Variants in TAF5 observed in about 807,000 individuals in gnomAD.
The protein encoded by TAF5 is transcription initiation factor TFIID subunit 5.
A neutral mutation model predicts 80.9 loss-of-function variants in TAF5; 20 were observed. That is an observed-to-expected ratio of 0.25 (90% CI 0.17 to 0.36). The LOEUF (loss-of-function observed/expected upper bound fraction) is 0.36. TAF5 is among the 10% of genes least tolerant of loss of function. The pLI is 1.00. For missense variants in TAF5, 863 were observed against 1,029.4 expected, an observed-to-expected ratio of 0.84 and a Z score of 2.21; for synonymous variants, 388 against 406.4, an observed-to-expected ratio of 0.95 and a Z score of 0.55.
chr10:103,370,285 T>G (rs1206104901), intron 1 of TAF5, among the ~76,000 whole-genome samples: 1 of 151,010 alleles, frequency 6.6e-6, no homozygotes, highest in Non-Finnish European at 1.5e-5. Flanking sequence ...GTCATTCTCA[T>G]GTTGAATTTT....
chr10:103,381,691 T>C, intron 5 of TAF5, 30 bp from the exon 6 acceptor site: 1 of 1,612,462 alleles, frequency 6.2e-7, no homozygotes. Context: ...CCTAAAATAG[T>C]ATTGTTTAGT....
chr10:103,379,985 C>T lies in TAF5; in HGVS notation c.1379C>T (p.Ser460Phe), dbSNP rs752613639. 7 of 1,613,732 alleles carry T rather than the reference C, an allele frequency of 4.3e-6. No individual in the cohort carries two copies. The highest frequency in any genetic ancestry group is 5.1e-6 in the Non-Finnish European group (6 of 1,179,908). ...RVRLGPDCLP[S>F]ICFYTFLNAY... ...CGCCTTGGGCCGGACTGCTTACCCT[C>T]CATTTGTTTCTATACATTTCTCAAT... The change falls in exon 5 of 11, where the codon TCC (serine) becomes TTC (phenylalanine). Residue 460 changes from serine to phenylalanine, a missense_variant. Physicochemically the swap from Ser to Phe is radical, Grantham distance 155. This residue lies in a region of TAF5 where 368 missense variants were observed against 461.7 expected (regional missense o/e 0.80). Transcript: ENST00000369839.
chr10:103,388,436 G>C lies in TAF5; in HGVS notation c.*213G>C, dbSNP rs2093403149. ...CCGTTAGTTGAATAAGAGGTATTAT[G>C]ATCATGGAGGGGACATTTATGGTGC... On this transcript the variant is annotated 3_prime_UTR_variant, in exon 11 of 11. Coordinates refer to ENST00000369839, the MANE Select transcript of TAF5 (RefSeq NM_006951.5). 1 of 466,190 alleles carries C rather than the reference G, an allele frequency of 2.1e-6. No homozygotes were observed. Among genetic ancestry groups the C allele is most frequent in the East Asian group, 3.5e-5 (1 of 28,782 alleles). The allele number at this position is 466,190 out of a possible 1,614,324, so 28.9% of individuals were successfully genotyped here. A position where few individuals can be genotyped will look rare whatever the true frequency, so the allele number is the denominator to read the frequency against.
rs976348646 is a variant in TAF5, at chr10:103,368,447, C to T, written c.458C>T (p.Ala153Val). 3.8e-6 allele frequency: 6 copies of T among 1,582,148 alleles called. No homozygotes were observed. The highest frequency in any genetic ancestry group is 5.1e-6 in the Non-Finnish European group (6 of 1,173,758). ...VTSALLSRVT[A>V]SAPGPAAPDP... is the part of the protein sequence containing the mutation. ...AGCGCGCTTCTCAGCCGGGTGACCG[C>T]CTCGGCCCCTGGCCCTGCGGCCCCC... Residue 153 changes from alanine to valine, a missense_variant, in exon 1 of 11, where the codon GCC becomes GTC. Around this residue, in one of 3 missense-constraint regions of TAF5, gnomAD observed 367 missense variants for 335.5 expected, o/e 1.09. Transcript: ENST00000369839.
At chr10:103,387,048 G>A (rs2093398230) in intron 8 of TAF5, 127 bp from the exon 9 acceptor site, 4 of 805,676 alleles carry the variant, frequency 5.0e-6, no homozygotes, top group South Asian at 2.3e-5. Context: ...CAGTTAACTA[G>A]TAAGTGGGGG....
chr10:103,375,949 T>C (rs2133627386), intron 2 of TAF5, among the ~76,000 whole-genome samples: 1 of 151,786 alleles, frequency 6.6e-6, no homozygotes, highest in East Asian at 2.0e-4. Context: ...TCCCAGCTGC[T>C]TGGGAGGCCG....
chr10:103,387,904 T>C (rs1015794117), intron 10 of TAF5, 102 bp from the exon 11 acceptor site: 2 of 1,262,988 alleles, frequency 1.6e-6, no homozygotes, highest in African/African-American at 3.0e-5. Flanking sequence ...CAAGTTTAGA[T>C]TTTTCACCCA....
chr10:103,372,322 G>T (rs555754086), intron 1 of TAF5, among the ~76,000 whole-genome samples: 1 of 150,142 alleles, frequency 6.7e-6, no homozygotes, highest in South Asian at 2.1e-4. Flanking sequence ...AAAGATTATG[G>T]CTGGGCGCGG....
chr10:103,375,902 A>T (rs2093368980), intron 2 of TAF5, among the ~76,000 whole-genome samples: 1 of 151,978 alleles, frequency 6.6e-6, no homozygotes, highest in African/African-American at 2.4e-5. Flanking sequence ...TACTAAAAAT[A>T]CAAAAATTAG....
rs1234846709 is a variant in TAF5, at chr10:103,387,491, C to A, written c.2008-30C>A. 3.1e-6 allele frequency: 5 copies of A among 1,590,220 alleles called. No homozygotes were observed. The African/African-American group carries it at 4.1e-5, about 13-fold the overall frequency. On this transcript the variant is annotated intron_variant, in intron 9 of 10. Transcript: ENST00000369839. ...ATTTTGTCTTATTTTCCTAGACATACTTTGATCTTTTCTATGAACTTTTTT... is the reference window on the plus strand; with the variant it reads ...ATTTTGTCTTATTTTCCTAGACATAATTTGATCTTTTCTATGAACTTTTTT...
At chr10:103,382,865 C>T (rs540079040) in intron 6 of TAF5, among the ~76,000 whole-genome samples, 11 of 152,120 alleles carry the variant, frequency 7.2e-5, no homozygotes, top group Admixed American at 5.9e-4. Context: ...AGGCTGGTCT[C>T]GAACTCCTCT....
intron 2 of TAF5, among the ~76,000 whole-genome samples, chr10:103,376,547 A>G: frequency 6.6e-6 from 1 of 152,056 alleles, no homozygotes; most frequent in East Asian, 1.9e-4. Flanking sequence ...TAGGAAGTAT[A>G]TAAGGCAAAA....
intron 8 of TAF5, 137 bp downstream of exon 8, chr10:103,385,627 A>T (rs1377317314): frequency 9.3e-7 from 1 of 1,072,354 alleles, no homozygotes; most frequent in Non-Finnish European, 1.3e-6. Context: ...TGCATTTATA[A>T]CTTATTTGAA....
chr10:103,381,993 C>T, intron 6 of TAF5, 152 bp downstream of exon 6: 1 of 1,148,960 alleles, frequency 8.7e-7, no homozygotes, highest in Non-Finnish European at 1.2e-6. Context: ...GTGAAAAAAG[C>T]TTTGGAGTGA....
At chr10:103,387,840 T>A (rs1217390394) in intron 10 of TAF5, 142 bp downstream of exon 10, 8 of 1,128,592 alleles carry the variant, frequency 7.1e-6, no homozygotes, top group Non-Finnish European at 1.0e-5. Context: ...CAATCACTTC[T>A]CAGGTTAAAG....
Position 103,388,461 on chromosome 10 carries a change from C to G in TAF5, c.*238C>G, listed in dbSNP as rs2093403230. 1 of 368,548 alleles carries G rather than the reference C, an allele frequency of 2.7e-6. No individual in the cohort carries two copies. The highest frequency in any genetic ancestry group is 2.1e-5 in the African/African-American group (1 of 48,546). The allele number at this position is 368,548 out of a possible 1,614,324, so 22.8% of individuals were successfully genotyped here. A position where few individuals can be genotyped will look rare whatever the true frequency, so the allele number is the denominator to read the frequency against. ...GATCATGGAGGGGACATTTATGGTG[C>G]TTTGGATTGTGTGGAAACTATGCAT... On this transcript the variant is annotated 3_prime_UTR_variant, in exon 11 of 11. Transcript: ENST00000369839.
Position 103,388,417 on chromosome 10 carries a change from G to A in TAF5, c.*194G>A. 1.9e-6 allele frequency: 1 copy of A among 535,994 alleles called. No individual in the cohort carries two copies. Among genetic ancestry groups the A allele is most frequent in the African/African-American group, 1.9e-5 (1 of 52,896 alleles). 33.2% of individuals were successfully genotyped at this position (535,994 alleles called of 1,614,324 possible). A position where few individuals can be genotyped will look rare whatever the true frequency, so the allele number is the denominator to read the frequency against. ...AACCACATTTGACTAATTTCCGTTA[G>A]TTGAATAAGAGGTATTATGATCATG... On this transcript the variant is annotated 3_prime_UTR_variant, in exon 11 of 11. Coordinates refer to ENST00000369839, the MANE Select transcript of TAF5 (RefSeq NM_006951.5).
rs1216180424 is a variant in TAF5 at position 103,388,349 on chromosome 10, T to C, written c.*126T>C. On this transcript the variant is annotated 3_prime_UTR_variant, in exon 11 of 11. Coordinates refer to ENST00000369839, the MANE Select transcript of TAF5 (RefSeq NM_006951.5). Reference sequence around the variant, plus strand: ...TGTCTATATGGATCTGGAAGTATGCTGCTTGGAAAAATCTGAACAGGACAG... The same window carrying C: ...TGTCTATATGGATCTGGAAGTATGCCGCTTGGAAAAATCTGAACAGGACAG... 4 of 838,914 alleles carry C rather than the reference T, an allele frequency of 4.8e-6. No individual in the cohort carries two copies. Among genetic ancestry groups the C allele is most frequent in the Non-Finnish European group, 1.8e-6 (1 of 551,474 alleles). The allele number at this position is 838,914 out of a possible 1,614,324, so 52.0% of individuals were successfully genotyped here.
chr10:103,370,840 A>C (rs1210564475), intron 1 of TAF5, among the ~76,000 whole-genome samples: 2 of 152,232 alleles, frequency 1.3e-5, no homozygotes, highest in Non-Finnish European at 2.9e-5. Context: ...CTTTTAGCCA[A>C]ATTAGTCTGT....
Sources: gnomAD v4.1 joint callset for allele counts (sites outside exome capture counted in the v4.1 genomes callset) on GRCh38, gnomAD v4.1.1 for gene constraint, gnomAD v4.1.1 regional missense constraint, MANE v1.5 for transcripts, NCBI Gene and HGNC (gene_info 2026-07-23, HGNC 2026-07-21) for gene names.